The following EXOC6B variants were observed in gnomAD, a reference collection of about 807,000 sequenced individuals.
EXOC6B encodes SEC15 homolog B.
A neutral mutation model predicts 113.5 loss-of-function variants in EXOC6B; 54 were observed. The ratio of observed to expected loss-of-function variants is 0.48; its 90% confidence interval spans 0.38 to 0.60. EXOC6B has a LOEUF of 0.60. EXOC6B is among the 20% of genes least tolerant of loss of function. The pLI is 0.00. For synonymous variants in EXOC6B, 357 were observed against 339.0 expected (o/e 1.05, Z -0.58); for missense variants, 797 against 977.5 (o/e 0.82, Z 2.46).
intron 6 of EXOC6B, among the ~76,000 whole-genome samples, chr2:72,649,871 A>G (rs1291845036): frequency 6.6e-6 from 1 of 152,176 alleles, no homozygotes; most frequent in Non-Finnish European, 1.5e-5. Context: ...ACATAAGCAA[A>G]AAAAAAATGA....
In EXOC6B at chr2:72,638,957, C is replaced by A. The variant is rs375092534; in HGVS notation, c.670-63289G>T. On this transcript the variant is annotated intron_variant, in intron 6 of 21. Coordinates refer to ENST00000272427, the MANE Select transcript of EXOC6B (RefSeq NM_015189.3). ...CTGGCCACGCCTCCTTGCAGGGCAA[C>A]CTCAGGTGCCCTGGGGGCATGTACC... Among the ~76,000 whole-genome samples, 26 of 152,296 alleles carry A rather than the reference C, an allele frequency of 1.7e-4. No homozygotes were observed. In the East Asian group the frequency reaches 5.0e-3, roughly 29 times the overall value.
At chr2:72,477,184 C>G (rs185878063) in intron 17 of EXOC6B, among the ~76,000 whole-genome samples, 1 of 152,148 alleles carries the variant, frequency 6.6e-6, no homozygotes, top group South Asian at 2.1e-4. Flanking sequence ...TGATTTTGTC[C>G]TGCCAATTTA....
intron 6 of EXOC6B, among the ~76,000 whole-genome samples, chr2:72,610,145 A>C (rs1052539368): frequency 6.6e-6 from 1 of 152,188 alleles, no homozygotes; most frequent in Non-Finnish European, 1.5e-5. Flanking sequence ...GGGTATGGCT[A>C]TCTTAATATT....
chr2:72,820,778 A>G (rs1686538230), intron 1 of EXOC6B, among the ~76,000 whole-genome samples: 2 of 152,172 alleles, frequency 1.3e-5, no homozygotes, highest in Admixed American at 1.3e-4. Context: ...ACAACTGGAT[A>G]TCCACATGCT....
At chr2:72,255,552 T>C (rs1163180433) in intron 20 of EXOC6B, among the ~76,000 whole-genome samples, 5 of 152,234 alleles carry the variant, frequency 3.3e-5, no homozygotes, top group African/African-American at 1.2e-4. Context: ...TGCTTGGAAC[T>C]GGTGGCTCCT....
Position 72,604,121 on chromosome 2 carries a change from A to C in EXOC6B, c.670-28453T>G, listed in dbSNP as rs564579972. ...TTTGACACTGACGGAAGTTTCTGTC[A>C]CACTGATCTTCTAGATTCCCTTAAC... On this transcript the variant is annotated intron_variant, in intron 6 of 21. Coordinates refer to ENST00000272427, the MANE Select transcript of EXOC6B (RefSeq NM_015189.3). Among the ~76,000 whole-genome samples the C allele has an allele frequency of 3.9e-5, 6 of 152,356 alleles. No homozygotes were observed. In the South Asian group the frequency reaches 1.2e-3, roughly 32 times the overall value.
intron 19 of EXOC6B, among the ~76,000 whole-genome samples, chr2:72,364,034 T>C (rs1397958284): frequency 6.6e-6 from 1 of 152,154 alleles, no homozygotes; most frequent in Non-Finnish European, 1.5e-5. Context: ...TTAGGACCTA[T>C]ACAGTTCTTC....
At chr2:72,237,375 G>A (rs1323154944) in intron 20 of EXOC6B, among the ~76,000 whole-genome samples, 1 of 152,054 alleles carries the variant, frequency 6.6e-6, no homozygotes, top group Non-Finnish European at 1.5e-5. Context: ...ATAATCAAGA[G>A]GTTGAAAATA....
chr2:72,608,182 T>C (rs1670863897), intron 6 of EXOC6B, among the ~76,000 whole-genome samples: 1 of 152,098 alleles, frequency 6.6e-6, no homozygotes, highest in Admixed American at 6.6e-5. Flanking sequence ...GGAGCATTAA[T>C]ATTTGGTACA....
chr2:72,342,188 A>G (rs1200846613), intron 19 of EXOC6B, among the ~76,000 whole-genome samples: 1 of 152,156 alleles, frequency 6.6e-6, no homozygotes, highest in Admixed American at 6.6e-5. Flanking sequence ...TTCTCAAATA[A>G]ACAACCTAAA....
At chr2:72,693,992 A>G (rs1476260408) in intron 6 of EXOC6B, among the ~76,000 whole-genome samples, 1 of 152,184 alleles carries the variant, frequency 6.6e-6, no homozygotes, top group African/African-American at 2.4e-5. Flanking sequence ...GAAATGTGAC[A>G]TGAGATACTA....
intron 9 of EXOC6B, 111 bp from the exon 10 acceptor site, chr2:72,514,791 T>C (rs1468718038): frequency 3.0e-6 from 2 of 668,596 alleles, no homozygotes; most frequent in Non-Finnish European, 5.0e-6. Flanking sequence ...TGATATCTGA[T>C]AAGGTAAAAA....
rs13388654 is a variant in EXOC6B, at chr2:72,235,857, A to G, written c.2197-51670T>C. 4.0e-3 allele frequency among the ~76,000 whole-genome samples: 603 copies of G among 152,020 alleles called. 4 individuals carry two copies. Among genetic ancestry groups the G allele is most frequent in the African/African-American group, 0.014 (571 of 41,476 alleles). ...CCACTATTTGTACTGCTTTTTTGGT[A>G]TTTATAATACGCCACTTTGCACTGT... On this transcript the variant is annotated intron_variant, in intron 20 of 21. Transcript: ENST00000272427.
At position 72,550,768 on chromosome 2, in the gene EXOC6B, A is replaced by T. The variant is rs943884948; in HGVS notation, c.915+8685T>A. On this transcript the variant is annotated intron_variant, in intron 8 of 21. Transcript: ENST00000272427. ...TACAATTAAGAATATGTAAATTTTT[A>T]AAAATTTGTATATTGACGACAGAGA... Among the ~76,000 whole-genome samples the T allele has an allele frequency of 5.3e-5, 8 of 152,262 alleles. No individual in the cohort carries two copies. The South Asian group carries it at 8.3e-4, about 16-fold the overall frequency.
At chr2:72,761,698 T>C (rs1390193598) in intron 1 of EXOC6B, among the ~76,000 whole-genome samples, 2 of 152,220 alleles carry the variant, frequency 1.3e-5, no homozygotes, top group East Asian at 1.9e-4. Context: ...CATAGGCTCA[T>C]TTAGTATCTA....
chr2:72,387,780 T>C (rs946065474), intron 18 of EXOC6B, among the ~76,000 whole-genome samples: 10 of 152,158 alleles, frequency 6.6e-5, no homozygotes, highest in Admixed American at 6.6e-5. Context: ...AAATAGTGTT[T>C]TATTTCTTCC....
intron 8 of EXOC6B, among the ~76,000 whole-genome samples, chr2:72,528,157 T>G (rs1480572615): frequency 6.6e-6 from 1 of 152,024 alleles, no homozygotes; most frequent in East Asian, 1.9e-4. Flanking sequence ...TTCCCCTATT[T>G]TTTTCTAAAT....
chr2:72,691,428 T>C (rs907196477), intron 6 of EXOC6B, among the ~76,000 whole-genome samples: 2 of 152,112 alleles, frequency 1.3e-5, no homozygotes, highest in Non-Finnish European at 2.9e-5. Flanking sequence ...GAAATAGAAC[T>C]ATTAACGGAG....
chr2:72,658,403 C>T (rs1674767947), intron 6 of EXOC6B, among the ~76,000 whole-genome samples: 1 of 149,440 alleles, frequency 6.7e-6, no homozygotes, highest in East Asian at 2.0e-4. Flanking sequence ...GTGCACCAAA[C>T]ATTTTTCTTT....
Sources: allele counts gnomAD v4.1 joint callset (sites outside exome capture counted in the v4.1 genomes callset), GRCh38; gene constraint gnomAD v4.1.1; transcripts MANE v1.5; gene names NCBI Gene and HGNC (gene_info 2026-07-23, HGNC 2026-07-21).